The following ERO1A variants were observed in gnomAD, a reference collection of about 807,000 sequenced individuals.
ERO1A encodes ERO1-like protein alpha.
ERO1A carries 49 observed loss-of-function variants against 76.9 expected under a neutral mutation model. The observed-to-expected ratio is 0.64, with a 90% CI of 0.51 to 0.81. ERO1A has a LOEUF of 0.81. Among genes scored for constraint, ERO1A ranks in the 30% least tolerant of loss-of-function variants. The pLI is 0.00. For synonymous variants in ERO1A, 174 were observed against 181.2 expected (o/e 0.96, Z 0.32); for missense variants, 448 against 542.1 (o/e 0.83, Z 1.72).
chr14:52,690,079 A>T (rs1304086836), intron 1 of ERO1A, among the ~76,000 whole-genome samples: 1 of 152,212 alleles, frequency 6.6e-6, no homozygotes, highest in Admixed American at 6.5e-5. Flanking sequence ...GTGCAAAAAA[A>T]TGAAATTGGA....
intron 4 of ERO1A, among the ~76,000 whole-genome samples, chr14:52,672,535 A>G (rs1379688183): frequency 6.6e-6 from 1 of 152,036 alleles, no homozygotes; most frequent in Admixed American, 6.6e-5. Flanking sequence ...TTGGAAGGCC[A>G]AAGTGGAAAG....
chr14:52,658,316 G>T (rs2040119417), intron 9 of ERO1A, 166 bp from the exon 10 acceptor site: 2 of 580,722 alleles, frequency 3.4e-6, no homozygotes, highest in Non-Finnish European at 6.1e-6. Context: ...AAGAAGAAAG[G>T]TTATGGATTC....
chr14:52,692,471 AAAGAT>A (rs1298969077), intron 1 of ERO1A, among the ~76,000 whole-genome samples: 1 of 152,214 alleles, frequency 6.6e-6, no homozygotes, highest in African/African-American at 2.4e-5. Flanking sequence ...AACAGGAAGA[AAAGAT>A]AAAACTATTA....
intron 11 of ERO1A, among the ~76,000 whole-genome samples, chr14:52,656,310 A>T (rs540368565): frequency 2.0e-5 from 3 of 152,238 alleles, no homozygotes; most frequent in Non-Finnish European, 4.4e-5. Context: ...ATGGAAAATA[A>T]TAAAATTTCC....
intron 6 of ERO1A, among the ~76,000 whole-genome samples, chr14:52,669,775 T>C (rs185590141): frequency 2.1e-4 from 32 of 152,284 alleles, no homozygotes; most frequent in Admixed American, 7.8e-4. Flanking sequence ...ACTAAGTATA[T>C]ACCAAAACAT....
intron 9 of ERO1A, among the ~76,000 whole-genome samples, chr14:52,660,119 C>A (rs1283889973): frequency 3.3e-5 from 5 of 152,200 alleles, no homozygotes; most frequent in Non-Finnish European, 2.9e-5. Flanking sequence ...CAGGCATAAG[C>A]CACCACGCCC....
rs190758748 is a variant in ERO1A, at chr14:52,688,730, T to C, written c.115-4823A>G. ...CAGTTAGCTGTGGAGGGAGCCTCAA[T>C]TACCTTCTCTGTTGACTCTGTTTGA... On this transcript the variant is annotated intron_variant, in intron 1 of 15. Transcript: ENST00000395686. Among the ~76,000 whole-genome samples the C allele has an allele frequency of 9.2e-5, 14 of 152,314 alleles. No homozygotes were observed. The East Asian group carries it at 2.3e-3, about 25-fold the overall frequency.
chr14:52,664,458 T>C (rs1006913393), intron 7 of ERO1A, among the ~76,000 whole-genome samples: 2 of 152,160 alleles, frequency 1.3e-5, no homozygotes, highest in African/African-American at 4.8e-5. Flanking sequence ...TAGTAAACTA[T>C]AGGGATTGTT....
chr14:52,671,558 T>A, intron 6 of ERO1A, 72 bp downstream of exon 6: 1 of 1,092,112 alleles, frequency 9.2e-7, no homozygotes. Context: ...ATGCCCAGAT[T>A]AAAATAATTA....
intron 1 of ERO1A, among the ~76,000 whole-genome samples, chr14:52,685,803 C>T (rs17680975): frequency 0.38 from 58,091 of 152,098 alleles, 13,591 homozygotes; most frequent in Middle Eastern, 0.52. Context: ...GCTCCCAAGA[C>T]ACTCCACACA....
chr14:52,680,487 T>G (rs1247171204), intron 3 of ERO1A, among the ~76,000 whole-genome samples: 1 of 152,210 alleles, frequency 6.6e-6, no homozygotes, highest in African/African-American at 2.4e-5. Context: ...AAGATGAGAT[T>G]TGACTTTGCA....
intron 3 of ERO1A, among the ~76,000 whole-genome samples, chr14:52,679,327 T>C (rs568235362): frequency 4.6e-5 from 7 of 152,306 alleles, no homozygotes; most frequent in African/African-American, 1.7e-4. Flanking sequence ...ACATTCTAAC[T>C]CTGATCTAAT....
intron 1 of ERO1A, among the ~76,000 whole-genome samples, chr14:52,684,159 T>C (rs1594834892): frequency 1.0e-5 from 1 of 99,364 alleles, no homozygotes; most frequent in African/African-American, 4.0e-5. Context: ...ACAGAGAGAG[T>C]TGGCCCCCTG....
chr14:52,686,536 A>T (rs1178162787), intron 1 of ERO1A, among the ~76,000 whole-genome samples: 1 of 152,084 alleles, frequency 6.6e-6, no homozygotes, highest in Non-Finnish European at 1.5e-5. Flanking sequence ...TATAGCCAAG[A>T]GACCTCAAAG....
chr14:52,680,491 C>G (rs796294263), intron 3 of ERO1A, among the ~76,000 whole-genome samples: 19 of 152,228 alleles, frequency 1.2e-4, no homozygotes, highest in African/African-American at 4.6e-4. Context: ...TGAGATTTGA[C>G]TTTGCAATAA....
chr14:52,644,450 A>G (rs34887063), intron 15 of ERO1A, among the ~76,000 whole-genome samples: 68,648 of 151,932 alleles, frequency 0.45, 16,343 homozygotes, highest in Middle Eastern at 0.56. Flanking sequence ...TATGAGATAC[A>G]TAAATATTAA....
intron 6 of ERO1A, among the ~76,000 whole-genome samples, chr14:52,669,684 A>G (rs971785595): frequency 6.6e-6 from 1 of 151,958 alleles, no homozygotes; most frequent in South Asian, 2.1e-4. Context: ...CTCACACTAA[A>G]TGAGCCTCTG....
chr14:52,670,021 A>G (rs1156268724), intron 6 of ERO1A, among the ~76,000 whole-genome samples: 1 of 152,144 alleles, frequency 6.6e-6, no homozygotes, highest in African/African-American at 2.4e-5. Context: ...CCCTGGATCA[A>G]GCAATCCTCC....
intron 4 of ERO1A, 74 bp downstream of exon 4, chr14:52,678,360 G>C: frequency 2.6e-6 from 3 of 1,167,766 alleles, no homozygotes; most frequent in Non-Finnish European, 3.8e-6. Context: ...AAATGGGATA[G>C]TAGGTACAAC....
Sources: gnomAD v4.1 joint callset for allele counts (sites outside exome capture counted in the v4.1 genomes callset) on GRCh38, gnomAD v4.1.1 for gene constraint, MANE v1.5 for transcripts, NCBI Gene and HGNC (gene_info 2026-07-23, HGNC 2026-07-21) for gene names.